The following NRXN3 variants were observed in gnomAD, a reference collection of about 807,000 sequenced individuals.
NRXN3 encodes neurexin 3.
A neutral mutation model predicts 137.6 loss-of-function variants in NRXN3; 32 were observed. The observed-to-expected ratio is 0.23, with a 90% confidence interval of 0.18 to 0.31. The LOEUF is 0.31. Among genes scored for constraint, NRXN3 ranks in the 10% least tolerant of loss-of-function variants. The pLI is 1.00. For synonymous variants in NRXN3, 798 were observed against 784.5 expected, an observed-to-expected ratio of 1.02 and a Z score of -0.29; for missense variants, 1,574 against 2,062.5, an observed-to-expected ratio of 0.76 and a Z score of 4.59.
At chr14:79,007,910 C>T (rs971126511) in intron 15 of NRXN3, among the ~76,000 whole-genome samples, 3 of 149,662 alleles carry the variant, frequency 2.0e-5, no homozygotes, top group African/African-American at 7.4e-5. Context: ...AAGGTAGGTA[C>T]AAGGTTGACT....
chr14:79,576,814 A>C (rs1023046076), intron 16 of NRXN3, among the ~76,000 whole-genome samples: 1 of 152,214 alleles, frequency 6.6e-6, no homozygotes, highest in Non-Finnish European at 1.5e-5. Flanking sequence ...TTTCTCAGAA[A>C]TGTGACATCA....
At chr14:79,047,055 C>A (rs2099634083) in intron 15 of NRXN3, among the ~76,000 whole-genome samples, 1 of 150,766 alleles carries the variant, frequency 6.6e-6, no homozygotes, top group Non-Finnish European at 1.5e-5. Flanking sequence ...AGAGTCTCTG[C>A]TATGTAATAA....
chr14:79,862,767 A>C lies in NRXN3; in HGVS notation c.*803A>C, dbSNP rs1193085108. 1 of 152,626 alleles carries C rather than the reference A, an allele frequency of 6.6e-6. No homozygotes were observed. The highest frequency in any genetic ancestry group is 2.4e-5 in the African/African-American group (1 of 41,430). The allele number at this position is 152,626 out of a possible 1,614,324, so 9.5% of individuals were successfully genotyped here. On this transcript the variant is annotated 3_prime_UTR_variant, in exon 21 of 21. Coordinates refer to ENST00000335750, the MANE Select transcript of NRXN3 (RefSeq NM_001330195.2). Reference sequence around the variant, plus strand: ...CTGAACACATAGCAAAATTCATGTGACGGATGATAAATTGATTCGAAAAGC... The same window carrying C: ...CTGAACACATAGCAAAATTCATGTGCCGGATGATAAATTGATTCGAAAAGC...
At chr14:79,280,652 G>T in intron 15 of NRXN3, 1 of 1,097,356 alleles carries the variant, frequency 9.1e-7, no homozygotes, top group Non-Finnish European at 1.3e-6. Context: ...AATTTAAAAT[G>T]ATGAAAAGCA....
At chr14:79,777,602 A>G (rs2099100996) in intron 19 of NRXN3, among the ~76,000 whole-genome samples, 1 of 152,040 alleles carries the variant, frequency 6.6e-6, no homozygotes, top group Non-Finnish European at 1.5e-5. Context: ...GAAGAGATGG[A>G]TGGATGGATG....
intron 6 of NRXN3, among the ~76,000 whole-genome samples, chr14:78,702,330 T>C (rs2098291002): frequency 6.6e-6 from 1 of 150,772 alleles, no homozygotes; most frequent in Non-Finnish European, 1.5e-5. Context: ...TAAATAAATA[T>C]ATAAAGTTAT....
intron 15 of NRXN3, among the ~76,000 whole-genome samples, chr14:79,215,550 T>A (rs1258879598): frequency 6.6e-6 from 1 of 152,166 alleles, no homozygotes; most frequent in Non-Finnish European, 1.5e-5. Flanking sequence ...ACGTCTCACA[T>A]GGCAGCAGAC....
chr14:78,929,432 C>T (rs1275267595), intron 10 of NRXN3, among the ~76,000 whole-genome samples: 1 of 152,128 alleles, frequency 6.6e-6, no homozygotes, highest in East Asian at 1.9e-4. Flanking sequence ...AATTTAGCTC[C>T]CACTTATAAG....
At chr14:79,746,742 A>G (rs1481908055) in intron 19 of NRXN3, among the ~76,000 whole-genome samples, 1 of 152,114 alleles carries the variant, frequency 6.6e-6, no homozygotes, top group Non-Finnish European at 1.5e-5. Context: ...AAAAGGCATC[A>G]TCTTCTACTG....
intron 8 of NRXN3, among the ~76,000 whole-genome samples, chr14:78,718,524 G>C (rs564704290): frequency 6.6e-6 from 1 of 152,128 alleles, no homozygotes; most frequent in East Asian, 1.9e-4. Context: ...GAGAGTCAGA[G>C]AATAAGGCCT....
chr14:78,618,556 C>T (rs1443496692), intron 4 of NRXN3, among the ~76,000 whole-genome samples: 1 of 152,196 alleles, frequency 6.6e-6, no homozygotes, highest in Non-Finnish European at 1.5e-5. Flanking sequence ...ACTGTGCATT[C>T]TGTGAATGCT....
intron 16 of NRXN3, among the ~76,000 whole-genome samples, chr14:79,571,261 G>A (rs2097598142): frequency 6.6e-6 from 1 of 152,018 alleles, no homozygotes; most frequent in Admixed American, 6.6e-5. Flanking sequence ...TAAGCAAATG[G>A]ACTATTTTAC....
chr14:79,130,114 G>A (rs1251020023), intron 15 of NRXN3, among the ~76,000 whole-genome samples: 2 of 151,200 alleles, frequency 1.3e-5, no homozygotes, highest in Non-Finnish European at 3.0e-5. Context: ...CACACTGATG[G>A]GTCTTGACTC....
At chr14:78,973,642 A>G (rs551343749) in intron 14 of NRXN3, among the ~76,000 whole-genome samples, 7 of 152,310 alleles carry the variant, frequency 4.6e-5, no homozygotes, top group South Asian at 4.1e-4. Flanking sequence ...GTGAATATCT[A>G]TTGCAGAAAC....
At chr14:79,711,221 G>GTT (rs1321142758) in intron 19 of NRXN3, among the ~76,000 whole-genome samples, 2 of 152,112 alleles carry the variant, frequency 1.3e-5, no homozygotes, top group Admixed American at 1.3e-4. Flanking sequence ...TGAGATTATA[G>GTT]TTTTATGGAA....
intron 14 of NRXN3, among the ~76,000 whole-genome samples, chr14:78,976,395 G>A (rs2099466418): frequency 1.3e-5 from 2 of 152,068 alleles, no homozygotes; most frequent in Admixed American, 1.3e-4. Context: ...GCTAAGTGCT[G>A]GCTATTTTGA....
chr14:78,680,437 C>A (rs1406563733), intron 6 of NRXN3, among the ~76,000 whole-genome samples: 3 of 152,000 alleles, frequency 2.0e-5, no homozygotes, highest in Non-Finnish European at 4.4e-5. Context: ...ATATTGTAAA[C>A]CTTAAAAAAT....
intron 16 of NRXN3, among the ~76,000 whole-genome samples, chr14:79,575,017 G>A (rs2153803082): frequency 6.6e-6 from 1 of 152,154 alleles, no homozygotes; most frequent in African/African-American, 2.4e-5. Flanking sequence ...GTTCATGTGT[G>A]TCTGTGAAAT....
chr14:79,684,366 C>T (rs117104603), intron 17 of NRXN3, among the ~76,000 whole-genome samples: 51 of 152,216 alleles, frequency 3.4e-4, no homozygotes, highest in African/African-American at 9.1e-4. Flanking sequence ...GTTGAAGCAA[C>T]GGTTGCAAAT....
Sources: gnomAD v4.1 joint callset for allele counts (sites outside exome capture counted in the v4.1 genomes callset) on GRCh38, gnomAD v4.1.1 for gene constraint, MANE v1.5 for transcripts, NCBI Gene and HGNC (gene_info 2026-07-23, HGNC 2026-07-21) for gene names.